KCNAB2: variants seen among roughly 807,000 people sequenced by gnomAD.
The protein encoded by KCNAB2 is voltage-gated potassium channel subunit beta-2.
A neutral mutation model predicts 63.6 loss-of-function variants in KCNAB2; 29 were observed. The observed-to-expected ratio is 0.46, with a 90% CI of 0.34 to 0.62. The LOEUF (loss-of-function observed/expected upper bound fraction) is 0.62, where lower values mean the gene tolerates loss of function less well. Among genes scored for constraint, KCNAB2 ranks in the 20% least tolerant of loss-of-function variants. The probability of loss-of-function intolerance (pLI) is 0.01; values close to 1 mark genes in which losing one functional copy is unlikely to be tolerated. For missense variants in KCNAB2, 359 were observed against 563.9 expected (o/e 0.64, Z 3.68); for synonymous variants, 222 against 224.2 (o/e 0.99, Z 0.09).
intron 1 of KCNAB2, among the ~76,000 whole-genome samples, chr1:5,993,995 T>C (rs11578208): frequency 0.25 from 38,335 of 152,078 alleles, 5,982 homozygotes; most frequent in African/African-American, 0.44. Context: ...CTGCCCTGTG[T>C]TGAACTGTGT....
intron 2 of KCNAB2, among the ~76,000 whole-genome samples, chr1:6,070,967 G>A (rs1376882066): frequency 6.6e-6 from 1 of 152,088 alleles, no homozygotes; most frequent in Non-Finnish European, 1.5e-5. Context: ...GGCAGCTGGA[G>A]TGGTTTTAAT....
chr1:6,051,142 A>G (rs1186001130), intron 1 of KCNAB2, among the ~76,000 whole-genome samples: 1 of 152,214 alleles, frequency 6.6e-6, no homozygotes, highest in Non-Finnish European at 1.5e-5. Context: ...ACGGAACAGC[A>G]ACCCTGGTCT....
At chr1:6,005,382 CTGGGGGAT>C (rs1657579331) in intron 1 of KCNAB2, among the ~76,000 whole-genome samples, 1 of 2,506 alleles carries the variant, frequency 4.0e-4, no homozygotes, top group Admixed American at 6.6e-3. Context: ...TGAGGGTGAA[CTGGGGGAT>C]GTGGGAGCTG....
At position 6,072,743 on chromosome 1, in the gene KCNAB2, T is replaced by C. The variant is rs781514742; in HGVS notation, c.219-12T>C. ...CTGGGTGCTGAGAACTCACGTGGCG[T>C]TTGTTTTTCAGGAACCTGGGCAAGT... On this transcript the variant is annotated splice_polypyrimidine_tract_variant and intron_variant, in intron 2 of 15. Coordinates refer to ENST00000378083, the MANE Select transcript of KCNAB2 (RefSeq NM_001199862.2). The C allele has an allele frequency of 6.2e-7, 1 of 1,613,068 alleles. No individual in the cohort carries two copies. The highest frequency in any genetic ancestry group is 1.1e-5 in the South Asian group (1 of 91,000).
chr1:6,076,112 T>C (rs1211724341), intron 4 of KCNAB2, among the ~76,000 whole-genome samples: 1 of 152,252 alleles, frequency 6.6e-6, no homozygotes, highest in African/African-American at 2.4e-5. Context: ...CGTCTCCTGT[T>C]CTTTGGGCCG....
At chr1:6,026,305 A>G (rs1428372929) in intron 1 of KCNAB2, 4 of 152,280 alleles carry the variant, frequency 2.6e-5, no homozygotes, top group African/African-American at 9.6e-5. Flanking sequence ...GCGGCAGTGC[A>G]TAGCTCTGGC....
chr1:6,081,571 C>A (rs904722301), intron 4 of KCNAB2, among the ~76,000 whole-genome samples: 3 of 152,202 alleles, frequency 2.0e-5, no homozygotes, highest in Admixed American at 6.5e-5. Flanking sequence ...AGGTCTGATA[C>A]CAAGGTGTTG....
intron 1 of KCNAB2, among the ~76,000 whole-genome samples, chr1:6,015,016 CTTTTTTTTTTTTTT>C (rs34742623): frequency 1.2e-5 from 1 of 82,786 alleles, no homozygotes; most frequent in Admixed American, 1.6e-4. Flanking sequence ...GGTCACCTTC[CTTTTTTTTTTTTTT>C]TTTTTTTTTT....
Position 6,071,468 on chromosome 1 carries a change from C to T in KCNAB2, c.219-1287C>T, listed in dbSNP as rs1663177708. Among the ~76,000 whole-genome samples the T allele has an allele frequency of 6.6e-6, 1 of 152,240 alleles. No individual in the cohort carries two copies. The highest frequency in any genetic ancestry group is 2.4e-5 in the African/African-American group (1 of 41,468). On this transcript the variant is annotated intron_variant, in intron 2 of 15. Coordinates refer to ENST00000378083, the MANE Select transcript of KCNAB2 (RefSeq NM_001199862.2). The surrounding 1 kb of genome is among the most constrained non-coding windows in gnomAD (Gnocchi z 8.5). ...CCACCCGGCCACTTGTCAACCTCAC[C>T]ATCTGGGCAGATCACGCCCTGCTTA...
intron 7 of KCNAB2, 107 bp from the exon 8 acceptor site, chr1:6,088,901 T>C: frequency 9.3e-7 from 1 of 1,072,708 alleles, no homozygotes; most frequent in Non-Finnish European, 1.4e-6. Context: ...CACACGGCAT[T>C]TGCTGACCCT....
At chr1:5,996,923 C>T (rs1307616986) in intron 1 of KCNAB2, among the ~76,000 whole-genome samples, 1 of 152,222 alleles carries the variant, frequency 6.6e-6, no homozygotes, top group Non-Finnish European at 1.5e-5. Context: ...CTGTAGACCC[C>T]TGAGGTCTGG....
In KCNAB2 at chr1:6,096,889, C is replaced by G. The variant is rs1014528507; in HGVS notation, c.1069+133C>G. The G allele has an allele frequency of 8.2e-7, 1 of 1,215,634 alleles. No individual in the cohort carries two copies. Among genetic ancestry groups the G allele is most frequent in the African/African-American group, 1.5e-5 (1 of 65,202 alleles). 75.3% of individuals were successfully genotyped at this position (1,215,634 alleles called of 1,614,324 possible). A position where few individuals can be genotyped will look rare whatever the true frequency, so the allele number is the denominator to read the frequency against. ...GGGAAGGGATCCCTGGACATCATCC[C>G]CCAGCCAGCCTCGGGTAATCGGGCT... On this transcript the variant is annotated intron_variant, in intron 14 of 15. Transcript: ENST00000378083. This position sits in a 1 kb window ranked among gnomAD's most constrained non-coding sequence, Gnocchi z 5.9.
At chr1:6,049,913 C>G (rs2100523521) in intron 1 of KCNAB2, among the ~76,000 whole-genome samples, 1 of 152,334 alleles carries the variant, frequency 6.6e-6, no homozygotes, top group Non-Finnish European at 1.5e-5. Flanking sequence ...TGGCCCCCCT[C>G]TCTGGGTGCA....
In KCNAB2 at chr1:6,018,279, G is replaced by A. The variant is rs541955849; in HGVS notation, c.-52-22238G>A. Among the ~76,000 whole-genome samples the A allele has an allele frequency of 1.1e-4, 17 of 152,274 alleles. No individual in the cohort carries two copies. The South Asian group carries it at 1.7e-3, about 15-fold the overall frequency. ...GAGGACCAGATAGTCGATGTTTTCA[G>A]CTTGCAGGAAATTCAGTCTCTATTG... On this transcript the variant is annotated intron_variant, in intron 1 of 16. Coordinates refer to the KCNAB2 transcript ENST00000341524.
intron 2 of KCNAB2, among the ~76,000 whole-genome samples, chr1:6,070,071 T>A (rs1305382541): frequency 6.6e-6 from 1 of 152,154 alleles, no homozygotes; most frequent in African/African-American, 2.4e-5. Context: ...AAGCAACTGT[T>A]CCCCACAGTC....
Position 6,100,271 on chromosome 1 carries a change from C to G in KCNAB2, c.*1697C>G, listed in dbSNP as rs1665946113. ...TATTACCGACCCCCCTTCATGCTGC[C>G]CCTGGCGCCTAGAACCCTTGCCCCT... On this transcript the variant is annotated 3_prime_UTR_variant, in exon 16 of 16. Transcript: ENST00000378083. The G allele has an allele frequency of 3.8e-6, 2 of 529,530 alleles. No individual in the cohort carries two copies. Among genetic ancestry groups the G allele is most frequent in the South Asian group, 4.3e-5 (1 of 23,424 alleles). The allele number at this position is 529,530 out of a possible 1,614,324, so 32.8% of individuals were successfully genotyped here.
intron 1 of KCNAB2, chr1:5,995,847 G>C (rs948029266): frequency 6.6e-6 from 1 of 152,308 alleles, no homozygotes; most frequent in Non-Finnish European, 1.5e-5. Flanking sequence ...CCTTGATTCT[G>C]TTCCTGCCCT....
At chr1:6,022,879 C>CTTTTTT (rs34874871) in intron 1 of KCNAB2, among the ~76,000 whole-genome samples, 25 of 86,976 alleles carry the variant, frequency 2.9e-4, no homozygotes, top group Non-Finnish European at 3.5e-4. Flanking sequence ...TTTTGCTTAT[C>CTTTTTT]TTTTTTTTTT....
At position 6,086,077 on chromosome 1, in the gene KCNAB2, A is replaced by G. The variant is rs1664672626; in HGVS notation, c.425+829A>G. 4.1e-6 allele frequency: 4 copies of G among 985,314 alleles called. No individual in the cohort carries two copies. Among genetic ancestry groups the G allele is most frequent in the Admixed American group, 6.1e-5 (1 of 16,262 alleles). The allele number at this position is 985,314 out of a possible 1,614,324, so 61.0% of individuals were successfully genotyped here. A position where few individuals can be genotyped will look rare whatever the true frequency, so the allele number is the denominator to read the frequency against. ...ACTTGCCTACATTTTGAGGCTCCCC[A>G]GACCCCTGGACACAGCTTTATCTCA... On this transcript the variant is annotated intron_variant, in intron 6 of 15. Coordinates refer to ENST00000378083, the MANE Select transcript of KCNAB2 (RefSeq NM_001199862.2). This position sits in a 1 kb window ranked among gnomAD's most constrained non-coding sequence, Gnocchi z 4.2.
Sources: gnomAD v4.1 joint callset for allele counts (sites outside exome capture counted in the v4.1 genomes callset) on GRCh38, gnomAD v4.1.1 for gene constraint, Gnocchi (gnomAD v3.1) non-coding constraint, MANE v1.5 for transcripts, NCBI Gene and HGNC (gene_info 2026-07-23, HGNC 2026-07-21) for gene names.